Variants in CLIP1 observed in about 807,000 individuals in gnomAD.
CLIP1 encodes CAP-Gly domain-containing linker protein 1.
A neutral mutation model predicts 161.6 loss-of-function variants in CLIP1; 66 were observed. The observed-to-expected ratio is 0.41, with a 90% CI of 0.33 to 0.50. The LOEUF (loss-of-function observed/expected upper bound fraction) is 0.50. CLIP1 is among the 20% of genes least tolerant of loss of function. The pLI, the probability that CLIP1 is intolerant of heterozygous loss-of-function variation, is 0.27. For missense variants in CLIP1, 1,376 were observed against 1,702.0 expected, an observed-to-expected ratio of 0.81 and a Z score of 3.37; for synonymous variants, 598 against 626.2, an observed-to-expected ratio of 0.96 and a Z score of 0.67.
chr12:122,295,719 G>A (rs1283588608), intron 20 of CLIP1, among the ~76,000 whole-genome samples: 3 of 152,302 alleles, frequency 2.0e-5, no homozygotes, highest in African/African-American at 7.2e-5. Context: ...GAAGCCTTCA[G>A]CTATAATTGT....
At chr12:122,388,219 CTA>C (rs1454714418) in intron 1 of CLIP1, among the ~76,000 whole-genome samples, 1 of 145,616 alleles carries the variant, frequency 6.9e-6, no homozygotes, top group East Asian at 2.2e-4. Context: ...GGTAGGCCAG[CTA>C]TTTTTTTTTT....
At position 122,323,412 on chromosome 12, in the gene CLIP1, C is replaced by T. The variant is rs1354202401; in HGVS notation, c.3250-4064G>A. On this transcript the variant is annotated intron_variant, in intron 17 of 25. Coordinates refer to ENST00000620786, the MANE Select transcript of CLIP1 (RefSeq NM_001247997.2). The surrounding 1 kb of genome is among the most constrained non-coding windows in gnomAD (Gnocchi z 4.1). The stretch of plus-strand genomic sequence containing the variant: ...TTCTCATGCAGAAGCTGGATGCACT[C>T]GGAGTCCGTGACCGCCCGCCTGGCC... 6.6e-6 allele frequency: 1 copy of T among 152,624 alleles called. No individual in the cohort carries two copies. The highest frequency in any genetic ancestry group is 1.5e-5 in the Non-Finnish European group (1 of 68,036). The allele number at this position is 152,624 out of a possible 1,614,324, so 9.5% of individuals were successfully genotyped here. A position where few individuals can be genotyped will look rare whatever the true frequency, so the allele number is the denominator to read the frequency against.
Position 122,377,627 on chromosome 12 carries a change from G to A in CLIP1, c.419C>T (p.Thr140Met), listed in dbSNP as rs143601911. Residue 140 changes from threonine (T) to methionine (M), a missense_variant, in exon 3 of 26, where the codon ACG becomes ATG. Thr to Met is a moderately conservative substitution (Grantham distance 81). Around this residue, in one of 6 missense-constraint regions of CLIP1, gnomAD observed 119 missense variants for 112.0 expected, o/e 1.06. Coordinates refer to ENST00000620786, the MANE Select transcript of CLIP1 (RefSeq NM_001247997.2). ...CGGTGAAGTAGCTCGGGAGGCGGGC[G>A]TTGTCTGCAGGCCATTAGCTTCATC... ...AEDEANGLQT[T>M]PASRATSPLC... The A allele has an allele frequency of 1.2e-5, 20 of 1,613,684 alleles. No homozygotes were observed. The highest frequency in any genetic ancestry group is 2.2e-5 in the East Asian group (1 of 44,836).
upstream of CLIP1, among the ~76,000 whole-genome samples, chr12:122,422,862 G>T (rs1424713449): frequency 6.6e-6 from 1 of 151,548 alleles, no homozygotes; most frequent in Non-Finnish European, 1.5e-5. Flanking sequence ...CCGCCGCTCC[G>T]CCCTCGAACC....
intron 24 of CLIP1, among the ~76,000 whole-genome samples, chr12:122,276,006 T>C (rs1480436437): frequency 2.0e-5 from 3 of 152,124 alleles, no homozygotes; most frequent in Non-Finnish European, 4.4e-5. Flanking sequence ...TTCCTTTCAA[T>C]CAAAGGGCAT....
chr12:122,288,842 G>A (rs1483269891), intron 20 of CLIP1, among the ~76,000 whole-genome samples: 1 of 136,500 alleles, frequency 7.3e-6, no homozygotes, highest in African/African-American at 2.9e-5. Flanking sequence ...TTGAGACGGA[G>A]TGTCGCTCTG....
intron 1 of CLIP1, among the ~76,000 whole-genome samples, chr12:122,389,112 T>C (rs2136942085): frequency 6.6e-6 from 1 of 152,298 alleles, no homozygotes; most frequent in Non-Finnish European, 1.5e-5. Context: ...CAGGCATTCA[T>C]CTGCCCCACA....
chr12:122,296,877 A>C (rs1273324587), intron 20 of CLIP1, among the ~76,000 whole-genome samples: 1 of 151,650 alleles, frequency 6.6e-6, no homozygotes, highest in African/African-American at 2.4e-5. Flanking sequence ...AAAAAAAAAA[A>C]AAAAAACATG....
intron 3 of CLIP1, among the ~76,000 whole-genome samples, chr12:122,376,924 T>A (rs1310520801): frequency 6.6e-6 from 1 of 152,056 alleles, no homozygotes; most frequent in Non-Finnish European, 1.5e-5. Flanking sequence ...ACCCATAAAC[T>A]GAACTGATTA....
chr12:122,288,665 T>C (rs1187292889), intron 20 of CLIP1, 124 bp from the exon 21 acceptor site: 4 of 720,404 alleles, frequency 5.6e-6, no homozygotes, highest in African/African-American at 5.4e-5. Context: ...TCAACAGCAA[T>C]GAAGAGGGAC....
At chr12:122,394,847 G>C (rs1001902471) in intron 1 of CLIP1, among the ~76,000 whole-genome samples, 1 of 151,952 alleles carries the variant, frequency 6.6e-6, no homozygotes, top group Non-Finnish European at 1.5e-5. Context: ...ATGAGACTCC[G>C]GCTCAAAAAT....
At position 122,341,123 on chromosome 12, in the gene CLIP1, G is replaced by A. The variant is rs1356315062; in HGVS notation, c.2081C>T (p.Ala694Val). ...ERAAHAKEMEALRAKLMKVIK... is the reference protein window; with the variant it reads ...ERAAHAKEMEVLRAKLMKVIK... The stretch of plus-strand genomic sequence containing the variant: ...AACTTTCATCAGTTTAGCCCTCAAG[G>A]CTTCCATCTCTTTAGCATGGGCAGC... Residue 694 changes from alanine (A) to valine (V), a missense_variant, in exon 11 of 26, where the codon GCC becomes GTC. Ala to Val is a moderately conservative substitution (Grantham distance 64, BLOSUM62 0). This residue lies in a region of CLIP1 where 948 missense variants were observed against 1,134.8 expected (regional missense o/e 0.84). Transcript: ENST00000620786. 1 of 1,613,906 alleles carries A rather than the reference G, an allele frequency of 6.2e-7. No individual in the cohort carries two copies. The highest frequency in any genetic ancestry group is 8.5e-7 in the Non-Finnish European group (1 of 1,180,016).
chr12:122,303,964 C>T (rs1375137850), intron 20 of CLIP1, among the ~76,000 whole-genome samples: 1 of 152,174 alleles, frequency 6.6e-6, no homozygotes, highest in African/African-American at 2.4e-5. Flanking sequence ...AAGGAAGGGC[C>T]AGCTCCGTGC....
At position 122,288,486 on chromosome 12, in the gene CLIP1, T is replaced by C. The variant is rs1183236632; in HGVS notation, c.3647+3A>G. The C allele has an allele frequency of 2.2e-5, 36 of 1,606,070 alleles. No homozygotes were observed. The highest frequency in any genetic ancestry group is 3.0e-5 in the Non-Finnish European group (35 of 1,178,610). ...CACATACAACAATAAACAGAAAGCT[T>C]ACCTTTTTTTCATTTCTAACAACTG... On this transcript the variant is annotated splice_donor_region_variant and intron_variant, in intron 21 of 25. Transcript: ENST00000620786.
At chr12:122,386,158 C>T (rs972259870) in intron 1 of CLIP1, among the ~76,000 whole-genome samples, 2 of 151,942 alleles carry the variant, frequency 1.3e-5, no homozygotes, top group East Asian at 1.9e-4. Context: ...TGGTGTTGCA[C>T]GCCTGTAGTC....
intron 1 of CLIP1, among the ~76,000 whole-genome samples, chr12:122,390,279 C>CATATATATATATATATACACACATAT (rs1955578320): frequency 1.3e-5 from 1 of 78,984 alleles, no homozygotes; most frequent in African/African-American, 3.8e-5. Flanking sequence ...TATATATATA[C>CATATATATATATATATACACACATAT]ATATATATAT....
At chr12:122,308,199 G>A (rs191758443) in intron 20 of CLIP1, among the ~76,000 whole-genome samples, 1 of 152,280 alleles carries the variant, frequency 6.6e-6, no homozygotes, top group East Asian at 1.9e-4. Context: ...ACAGAGACAA[G>A]AACTGTAATC....
intron 3 of CLIP1, among the ~76,000 whole-genome samples, chr12:122,368,854 C>T (rs1048917324): frequency 3.3e-5 from 5 of 151,766 alleles, no homozygotes; most frequent in Admixed American, 2.6e-4. Context: ...TCACTTCAAC[C>T]CCAGAGGTGG....
intron 24 of CLIP1, chr12:122,275,189 G>A (rs1458553266): frequency 6.6e-6 from 1 of 152,112 alleles, no homozygotes; most frequent in Non-Finnish European, 1.5e-5. Context: ...GGTTGGTGGA[G>A]TGCTATTGAT....
Sources: gnomAD v4.1 joint callset for allele counts (sites outside exome capture counted in the v4.1 genomes callset) on GRCh38, gnomAD v4.1.1 for gene constraint, gnomAD v4.1.1 regional missense constraint, Gnocchi (gnomAD v3.1) non-coding constraint, MANE v1.5 for transcripts, NCBI Gene and HGNC (gene_info 2026-07-23, HGNC 2026-07-21) for gene names.